The following ENTREP2 variants were observed in gnomAD, a reference collection of about 807,000 sequenced individuals.
ENTREP2 encodes protein ENTREP2.
the ENTREP2 span, among the ~76,000 whole-genome samples, chr15:29,651,883 G>A: frequency 6.6e-6 from 1 of 152,236 alleles, no homozygotes. Context: ...ACAGCAGCAG[G>A]ACGCAGACGG....
chr15:29,243,046 C>T, the ENTREP2 span, among the ~76,000 whole-genome samples: 179 of 152,358 alleles, frequency 1.2e-3, no homozygotes, highest in Non-Finnish European at 2.3e-3. Flanking sequence ...CAGGCACTCA[C>T]ACGCCACGGC....
At chr15:29,120,707 C>G in the ENTREP2 span, 3 of 152,336 alleles carry the variant, frequency 2.0e-5, no homozygotes, top group Non-Finnish European at 4.4e-5. Flanking sequence ...CGTGTCACCC[C>G]CAAAGCAGCC....
chr15:29,341,199 C>T, the ENTREP2 span, among the ~76,000 whole-genome samples: 1 of 152,230 alleles, frequency 6.6e-6, no homozygotes, highest in Middle Eastern at 3.2e-3. Flanking sequence ...AGAGCTACAA[C>T]TAAAATCTAG....
chr15:29,517,848 T>C, the ENTREP2 span, among the ~76,000 whole-genome samples: 1 of 152,134 alleles, frequency 6.6e-6, no homozygotes, highest in African/African-American at 2.4e-5. Context: ...GTCTACAAGG[T>C]GATGTTTTTG....
chr15:29,424,299 C>A, the ENTREP2 span, among the ~76,000 whole-genome samples: 2 of 152,128 alleles, frequency 1.3e-5, no homozygotes. Flanking sequence ...TATTTGGCCC[C>A]GCCCACATCC....
At chr15:29,470,598 C>T in the ENTREP2 span, among the ~76,000 whole-genome samples, 5 of 152,182 alleles carry the variant, frequency 3.3e-5, no homozygotes, top group Non-Finnish European at 5.9e-5. Flanking sequence ...CGAAATCCTT[C>T]CCAGTCCTAC....
chr15:29,212,801 C>T, the ENTREP2 span, among the ~76,000 whole-genome samples: 1 of 152,186 alleles, frequency 6.6e-6, no homozygotes, highest in South Asian at 2.1e-4. Context: ...TTAATTAGAT[C>T]CCATTTGTCA....
the ENTREP2 span, among the ~76,000 whole-genome samples, chr15:29,622,995 C>T: frequency 6.6e-6 from 1 of 152,172 alleles, no homozygotes; most frequent in East Asian, 1.9e-4. Context: ...ACATCATCAT[C>T]AGTGGTTTTA....
chr15:29,118,907 T>C, the ENTREP2 span, among the ~76,000 whole-genome samples: 2 of 152,112 alleles, frequency 1.3e-5, no homozygotes, highest in Admixed American at 1.3e-4. Flanking sequence ...TCCAGCTGGG[T>C]TAGGCTGTGG....
chr15:29,463,090 G>A, the ENTREP2 span, among the ~76,000 whole-genome samples: 1 of 152,104 alleles, frequency 6.6e-6, no homozygotes, highest in African/African-American at 2.4e-5. Context: ...TAGGAATGGC[G>A]ACTGAGATGG....
the ENTREP2 span, among the ~76,000 whole-genome samples, chr15:29,133,424 C>T: frequency 6.6e-6 from 1 of 152,162 alleles, no homozygotes; most frequent in African/African-American, 2.4e-5. Context: ...CACAGGGACA[C>T]CCACTGGTGT....
the ENTREP2 span, among the ~76,000 whole-genome samples, chr15:29,186,863 T>C: frequency 3.9e-4 from 59 of 152,322 alleles, 1 homozygote; most frequent in African/African-American, 1.3e-3. Context: ...AAGTGATGCA[T>C]TGGCCATTAA....
the ENTREP2 span, among the ~76,000 whole-genome samples, chr15:29,561,125 G>A: frequency 9.9e-6 from 1 of 101,436 alleles, no homozygotes; most frequent in Non-Finnish European, 2.1e-5. Flanking sequence ...TACGGAGAAA[G>A]GGGAACAATT....
chr15:29,187,531 CT>C, the ENTREP2 span, among the ~76,000 whole-genome samples: 1 of 152,268 alleles, frequency 6.6e-6, no homozygotes, highest in South Asian at 2.1e-4. Context: ...CCGCTTCAGC[CT>C]CCCAAAGTGC....
the ENTREP2 span, among the ~76,000 whole-genome samples, chr15:29,129,442 C>T: frequency 2.0e-5 from 3 of 152,200 alleles, no homozygotes; most frequent in Non-Finnish European, 2.9e-5. Flanking sequence ...ACGAGTTGCA[C>T]AGTCATCGAG....
At chr15:29,238,307 C>T in the ENTREP2 span, among the ~76,000 whole-genome samples, 1 of 152,058 alleles carries the variant, frequency 6.6e-6, no homozygotes, top group Non-Finnish European at 1.5e-5. Flanking sequence ...GAATATTATA[C>T]CTTAAATGGG....
At chr15:29,563,161 G>C in the ENTREP2 span, among the ~76,000 whole-genome samples, 242 of 152,186 alleles carry the variant, frequency 1.6e-3, no homozygotes, top group African/African-American at 5.4e-3. Flanking sequence ...ATTCTACATT[G>C]ATTTTTCCCA....
At chr15:29,378,212 TAA>T in the ENTREP2 span, among the ~76,000 whole-genome samples, 1 of 145,504 alleles carries the variant, frequency 6.9e-6, no homozygotes. Context: ...TAAAAACTCT[TAA>T]AAAAAAAAAA....
the ENTREP2 span, among the ~76,000 whole-genome samples, chr15:29,593,206 A>G: frequency 1.3e-5 from 2 of 152,266 alleles, 1 homozygote; most frequent in Admixed American, 1.3e-4. Context: ...TCATATAACT[A>G]TATGTATAGT....
Sources: allele counts gnomAD v4.1 joint callset (sites outside exome capture counted in the v4.1 genomes callset), GRCh38; gene constraint gnomAD v4.1.1; transcripts MANE v1.5; gene names NCBI Gene and HGNC (gene_info 2026-07-23, HGNC 2026-07-21).